PTPRA: variants seen among roughly 807,000 people sequenced by gnomAD.
PTPRA encodes receptor-type tyrosine-protein phosphatase alpha.
PTPRA carries 25 observed loss-of-function variants against 104.8 expected under a neutral mutation model. The observed-to-expected ratio is 0.24, with a 90% CI of 0.17 to 0.33. PTPRA has a LOEUF of 0.33. Among genes scored for constraint, PTPRA ranks in the 10% least tolerant of loss-of-function variants. The probability of loss-of-function intolerance (pLI) is 1.00; values close to 1 mark genes in which losing one functional copy is unlikely to be tolerated. For missense variants in PTPRA, 765 were observed against 1,015.3 expected (o/e 0.75, Z 3.35); for synonymous variants, 323 against 368.9 (o/e 0.88, Z 1.43).
chr20:2,932,421 T>G (rs1006100342), intron 2 of PTPRA, among the ~76,000 whole-genome samples: 1 of 152,192 alleles, frequency 6.6e-6, no homozygotes, highest in African/African-American at 2.4e-5. Flanking sequence ...AAAAATCTGT[T>G]TAGAACATCC....
intron 20 of PTPRA, among the ~76,000 whole-genome samples, chr20:3,033,483 G>A (rs878945806): frequency 7.2e-5 from 11 of 152,092 alleles, no homozygotes; most frequent in South Asian, 2.1e-4. Flanking sequence ...ACTCATATGC[G>A]CAGCCTCGTC....
chr20:2,908,757 A>G (rs6132987), intron 1 of PTPRA, among the ~76,000 whole-genome samples: 6,467 of 152,248 alleles, frequency 0.042, 316 homozygotes, highest in Admixed American at 0.11. Context: ...ATTAAAAAAA[A>G]TGAAAAACAT....
chr20:2,939,120 G>A (rs1469936603), intron 2 of PTPRA, among the ~76,000 whole-genome samples: 5 of 152,146 alleles, frequency 3.3e-5, no homozygotes, highest in Admixed American at 1.3e-4. Flanking sequence ...CTGTGCTACC[G>A]AAAGGCCAGT....
At chr20:2,917,107 A>C (rs2059930977) in intron 1 of PTPRA, among the ~76,000 whole-genome samples, 1 of 151,102 alleles carries the variant, frequency 6.6e-6, no homozygotes, top group Admixed American at 6.6e-5. Context: ...ACAGGCACAC[A>C]CCATCCGCCC....
rs771589639 is a variant in PTPRA, at chr20:3,006,064, G to A, written c.829+918G>A. 4.6e-5 allele frequency among the ~76,000 whole-genome samples: 7 copies of A among 151,376 alleles called. No homozygotes were observed. In the South Asian group the frequency reaches 1.5e-3, roughly 32 times the overall value. On this transcript the variant is annotated intron_variant, in intron 10 of 23. Coordinates refer to ENST00000399903, the MANE Select transcript of PTPRA (RefSeq NM_001385305.1). ...TTTGTAGAGATGGTCTTGCTGTGTT[G>A]CCTTGGCTGATCTCAAACTCCTGGC... is the stretch of plus-strand genomic sequence containing the variant.
At chr20:2,909,906 C>CAT (rs1210958578) in intron 1 of PTPRA, among the ~76,000 whole-genome samples, 1 of 124,988 alleles carries the variant, frequency 8.0e-6, no homozygotes, top group East Asian at 2.1e-4. Flanking sequence ...TAATATATGA[C>CAT]ATATATATGT....
intron 11 of PTPRA, among the ~76,000 whole-genome samples, chr20:3,009,995 TG>T (rs1364762389): frequency 1.3e-5 from 2 of 151,906 alleles, no homozygotes; most frequent in African/African-American, 4.8e-5. Context: ...ATTACAGACA[TG>T]TGCCACCATG....
chr20:2,982,050 A>C (rs967367644), intron 6 of PTPRA, among the ~76,000 whole-genome samples: 3 of 150,966 alleles, frequency 2.0e-5, no homozygotes, highest in Non-Finnish European at 4.4e-5. Context: ...GATTTAGCCC[A>C]GTGTCTTAAG....
chr20:2,867,604 A>G, the PTPRA span, among the ~76,000 whole-genome samples: 1 of 149,432 alleles, frequency 6.7e-6, no homozygotes, highest in Non-Finnish European at 1.5e-5. Flanking sequence ...TGCTCTCCCT[A>G]TCTAGCCTTC....
At chr20:3,001,003 AT>A (rs894084853) in intron 9 of PTPRA, among the ~76,000 whole-genome samples, 3 of 151,816 alleles carry the variant, frequency 2.0e-5, no homozygotes, top group African/African-American at 4.8e-5. Context: ...TGAAAAAAAA[AT>A]TTTTTTTTAA....
At chr20:2,873,374 C>A (rs561678059), upstream of PTPRA, 1 of 152,280 alleles carries the variant, frequency 6.6e-6, no homozygotes, top group African/African-American at 2.4e-5. This position sits in a 1 kb window ranked among gnomAD's most constrained non-coding sequence, Gnocchi z 4.4. Context: ...GAGCGCCCAG[C>A]GGAGCGCAAG....
chr20:2,970,586 G>A (rs749425345), intron 5 of PTPRA, among the ~76,000 whole-genome samples: 2 of 152,090 alleles, frequency 1.3e-5, no homozygotes, highest in Non-Finnish European at 2.9e-5. Context: ...TTCTTTGTAC[G>A]TTTGGGAAAT....
At chr20:3,015,215 T>C (rs1012005194) in intron 11 of PTPRA, among the ~76,000 whole-genome samples, 37 of 152,304 alleles carry the variant, frequency 2.4e-4, no homozygotes, top group African/African-American at 8.4e-4. Context: ...AACACTGAAA[T>C]CTACATTGTT....
At chr20:2,933,744 AGCCACCATG>A (rs2060591753) in intron 2 of PTPRA, among the ~76,000 whole-genome samples, 1 of 152,072 alleles carries the variant, frequency 6.6e-6, no homozygotes, top group African/African-American at 2.4e-5. Flanking sequence ...TTACAGATGC[AGCCACCATG>A]GCCAGCCTTT....
intron 19 of PTPRA, 83 bp downstream of exon 19, chr20:3,027,280 C>A: frequency 1.5e-6 from 2 of 1,333,562 alleles, no homozygotes; most frequent in Non-Finnish European, 1.1e-6. Context: ...CCCATACCTG[C>A]TGGGGAGGAT....
chr20:2,865,436 G>C, the PTPRA span: 1 of 1,614,208 alleles, frequency 6.2e-7, no homozygotes, highest in South Asian at 1.1e-5. The surrounding 1 kb of genome is among the most constrained non-coding windows in gnomAD (Gnocchi z 5.2). Context: ...GGCAGATTTG[G>C]AAGATTGGGA....
upstream of PTPRA, among the ~76,000 whole-genome samples, chr20:2,871,204 G>A (rs759028892): frequency 1.3e-5 from 2 of 152,150 alleles, no homozygotes; most frequent in African/African-American, 2.4e-5. Flanking sequence ...GTCTCATGGG[G>A]AGAGAAAGAA....
At chr20:2,968,920 T>C (rs1225603409) in intron 5 of PTPRA, among the ~76,000 whole-genome samples, 1 of 150,538 alleles carries the variant, frequency 6.6e-6, no homozygotes, top group Non-Finnish European at 1.5e-5. Context: ...ATCTCAAAAA[T>C]AAATAGGCCT....
chr20:2,951,817 G>GTTGGCCTCATCA (rs2061363584), intron 3 of PTPRA, among the ~76,000 whole-genome samples: 1 of 152,172 alleles, frequency 6.6e-6, no homozygotes, highest in Non-Finnish European at 1.5e-5. Context: ...CTTGTGATCT[G>GTTGGCCTCATCA]TTGGCCTCAT....
Sources: allele counts gnomAD v4.1 joint callset (sites outside exome capture counted in the v4.1 genomes callset), GRCh38; gene constraint gnomAD v4.1.1; non-coding constraint Gnocchi (gnomAD v3.1); transcripts MANE v1.5; gene names NCBI Gene and HGNC (gene_info 2026-07-23, HGNC 2026-07-21).